Variants in KAZN observed in about 807,000 individuals in gnomAD.
The protein encoded by KAZN is kazrin.
A neutral mutation model predicts 87.4 loss-of-function variants in KAZN; 40 were observed. The observed-to-expected ratio is 0.46, with a 90% CI of 0.36 to 0.60. The LOEUF (loss-of-function observed/expected upper bound fraction) is 0.60. KAZN is among the 20% of genes least tolerant of loss of function. KAZN has a pLI of 0.00. For synonymous variants in KAZN, 466 were observed against 458.3 expected, an observed-to-expected ratio of 1.02 and a Z score of -0.22; for missense variants, 898 against 1,073.9, an observed-to-expected ratio of 0.84 and a Z score of 2.29.
intron 1 of KAZN, among the ~76,000 whole-genome samples, chr1:14,077,796 C>A (rs1643518653): frequency 6.6e-6 from 1 of 151,836 alleles, no homozygotes; most frequent in Non-Finnish European, 1.5e-5. Flanking sequence ...GGCTGGAGTT[C>A]TTACACGGAG....
At chr1:15,017,997 C>T (rs1419354831) in intron 2 of KAZN, among the ~76,000 whole-genome samples, 1 of 152,108 alleles carries the variant, frequency 6.6e-6, no homozygotes, top group Admixed American at 6.5e-5. Flanking sequence ...TTCCAAGAAC[C>T]CTATGGAGTC....
chr1:14,602,802 T>G (rs1468457346), intron 1 of KAZN, among the ~76,000 whole-genome samples: 1 of 152,264 alleles, frequency 6.6e-6, no homozygotes, highest in African/African-American at 2.4e-5. Flanking sequence ...CAGTAGGATG[T>G]ATGCCTACTG....
At position 14,188,500 on chromosome 1, in the gene KAZN, G is replaced by T. The variant is rs574795204; in HGVS notation, c.249+7908G>T. Among the ~76,000 whole-genome samples the T allele has an allele frequency of 2.0e-5, 3 of 152,162 alleles. No homozygotes were observed. In the East Asian group the frequency reaches 5.8e-4, roughly 29 times the overall value. On this transcript the variant is annotated intron_variant, in intron 2 of 16. Transcript: ENST00000636203. The stretch of plus-strand genomic sequence containing the variant: ...CTCAGGCTTTTCTAGCTAGATGCTG[G>T]GGACATAGAGACACACACAAAAGAA...
intron 1 of KAZN, among the ~76,000 whole-genome samples, chr1:14,827,364 A>G (rs1043777945): frequency 6.6e-6 from 1 of 152,170 alleles, no homozygotes; most frequent in South Asian, 2.1e-4. Flanking sequence ...TCACCCGAGC[A>G]GTGTACACTG....
At chr1:14,941,945 C>T (rs1029424647) in intron 1 of KAZN, among the ~76,000 whole-genome samples, 2 of 152,078 alleles carry the variant, frequency 1.3e-5, no homozygotes, top group African/African-American at 2.4e-5. Flanking sequence ...GGCCGTCTAC[C>T]GCTGGAGGTG....
intron 2 of KAZN, among the ~76,000 whole-genome samples, chr1:14,367,854 A>C (rs992903876): frequency 5.9e-5 from 9 of 152,290 alleles, no homozygotes; most frequent in African/African-American, 1.7e-4. Flanking sequence ...GTAGTCCCTA[A>C]GTGCTGCCTT....
At chr1:14,417,357 C>T (rs1049301686) in intron 2 of KAZN, among the ~76,000 whole-genome samples, 2 of 152,278 alleles carry the variant, frequency 1.3e-5, no homozygotes, top group South Asian at 4.1e-4. Flanking sequence ...AAAAGTGTTA[C>T]AGTGAGGTTC....
chr1:14,051,764 C>T (rs570356426), intron 1 of KAZN, among the ~76,000 whole-genome samples: 4 of 152,142 alleles, frequency 2.6e-5, no homozygotes, highest in South Asian at 2.1e-4. Flanking sequence ...GGCTTGAACC[C>T]GGGAGGCGGA....
chr1:14,873,880 G>T (rs574344224), intron 1 of KAZN, among the ~76,000 whole-genome samples: 2 of 152,290 alleles, frequency 1.3e-5, no homozygotes, highest in East Asian at 3.9e-4. Context: ...CTGACGTGGT[G>T]GATGTGGTGG....
chr1:13,945,679 T>G (rs865882181), intron 1 of KAZN, among the ~76,000 whole-genome samples: 9 of 123,356 alleles, frequency 7.3e-5, no homozygotes, highest in Admixed American at 3.5e-4. Flanking sequence ...TGCTCTCAGT[T>G]TGTGTGTGTG....
chr1:15,032,715 G>A (rs1307302379), intron 2 of KAZN, among the ~76,000 whole-genome samples: 1 of 151,990 alleles, frequency 6.6e-6, no homozygotes, highest in Non-Finnish European at 1.5e-5. Context: ...TTGAGAAGCT[G>A]AGGCAGGCAG....
intron 1 of KAZN, among the ~76,000 whole-genome samples, chr1:14,863,106 C>T (rs1019185545): frequency 5.9e-5 from 9 of 152,182 alleles, no homozygotes; most frequent in East Asian, 1.9e-4. Flanking sequence ...TTTCTTTCCA[C>T]TGTCAGGTGG....
intron 1 of KAZN, among the ~76,000 whole-genome samples, chr1:14,632,854 C>T (rs140838146): frequency 3.3e-5 from 5 of 152,078 alleles, no homozygotes; most frequent in African/African-American, 1.2e-4. Context: ...CATTTGTCAC[C>T]AGTACAGGAT....
intron 1 of KAZN, among the ~76,000 whole-genome samples, chr1:14,604,177 G>A (rs61093132): frequency 0.022 from 3,277 of 152,272 alleles, 129 homozygotes; most frequent in African/African-American, 0.075. Context: ...ATATTAGGGT[G>A]AGTAGCACAA....
chr1:15,006,900 C>CA (rs1444871230), intron 2 of KAZN, among the ~76,000 whole-genome samples: 3 of 151,554 alleles, frequency 2.0e-5, no homozygotes, highest in Non-Finnish European at 4.4e-5. Context: ...ACTAAAAATA[C>CA]AAAAAAACTA....
At chr1:14,383,428 C>G (rs1180009130) in intron 2 of KAZN, among the ~76,000 whole-genome samples, 1 of 152,016 alleles carries the variant, frequency 6.6e-6, no homozygotes, top group Non-Finnish European at 1.5e-5. Flanking sequence ...AGGTTTTCTT[C>G]TAGGGTTTTT....
At chr1:14,987,070 C>T (rs565170165) in intron 2 of KAZN, among the ~76,000 whole-genome samples, 4 of 151,914 alleles carry the variant, frequency 2.6e-5, no homozygotes, top group South Asian at 4.2e-4. Context: ...GCCCAGGCAG[C>T]GTAGAGGAGA....
At chr1:14,883,344 A>AGGGAGGG (rs1557586164) in intron 1 of KAZN, among the ~76,000 whole-genome samples, 1 of 29,680 alleles carries the variant, frequency 3.4e-5, no homozygotes, top group Admixed American at 5.1e-4. Flanking sequence ...GAGAGAGAGA[A>AGGGAGGG]AGAAAGAAAG....
chr1:14,279,845 A>G (rs992790809), intron 2 of KAZN, among the ~76,000 whole-genome samples: 1 of 152,186 alleles, frequency 6.6e-6, no homozygotes, highest in African/African-American at 2.4e-5. Flanking sequence ...GGTGAGGGTC[A>G]CAGAAGAACG....
Sources: allele counts gnomAD v4.1 joint callset (sites outside exome capture counted in the v4.1 genomes callset), GRCh38; gene constraint gnomAD v4.1.1; transcripts MANE v1.5; gene names NCBI Gene and HGNC (gene_info 2026-07-23, HGNC 2026-07-21).